The following MYOM2 variants were observed in gnomAD, a reference collection of about 807,000 sequenced individuals.
MYOM2 encodes the protein myomesin-2.
MYOM2 carries 254 observed loss-of-function variants against 187.6 expected under a neutral mutation model. The observed-to-expected ratio is 1.35, with a 90% CI of 1.22 to 1.50. MYOM2 has a LOEUF of 1.50. Among genes scored for constraint, MYOM2 ranks in the 40% most tolerant of loss-of-function variants. MYOM2 has a pLI of 0.00. For synonymous variants in MYOM2, 981 were observed against 753.8 expected (o/e 1.30, Z -4.94); for missense variants, 2,796 against 1,924.0 (o/e 1.45, Z -8.48).
At chr8:2,064,608 C>G (rs1818955242) in intron 6 of MYOM2, among the ~76,000 whole-genome samples, 1 of 152,330 alleles carries the variant, frequency 6.6e-6, no homozygotes, top group Non-Finnish European at 1.5e-5. Flanking sequence ...GCACCAAGTG[C>G]TAATTGGTGA....
At position 2,101,175 on chromosome 8, in the gene MYOM2, G is replaced by A. The variant is rs552254453; in HGVS notation, c.2619+121G>A. 2.7e-4 allele frequency: 264 copies of A among 964,698 alleles called. No individual in the cohort carries two copies. In the African/African-American group the frequency reaches 3.2e-3, roughly 12 times the overall value. 59.8% of individuals were successfully genotyped at this position (964,698 alleles called of 1,614,324 possible). ...AGCCTGGCCAACATGGAGAAGCCCCGTCTCTACTAAAAATACAAAAAAATT... is the reference window on the plus strand; with the variant it reads ...AGCCTGGCCAACATGGAGAAGCCCCATCTCTACTAAAAATACAAAAAAATT... On this transcript the variant is annotated intron_variant, in intron 20 of 36. Coordinates refer to ENST00000262113, the MANE Select transcript of MYOM2 (RefSeq NM_003970.4).
intron 28 of MYOM2, among the ~76,000 whole-genome samples, chr8:2,120,050 G>T (rs1797373892): frequency 6.6e-6 from 1 of 152,164 alleles, no homozygotes; most frequent in Non-Finnish European, 1.5e-5. Flanking sequence ...AAGGAGGCAA[G>T]ACAGCAGCTC....
chr8:2,056,945 G>C (rs977075675), intron 3 of MYOM2, among the ~76,000 whole-genome samples: 1 of 152,168 alleles, frequency 6.6e-6, no homozygotes, highest in African/African-American at 2.4e-5. Flanking sequence ...CAATGTCTCT[G>C]TTTTTAAGAG....
At chr8:2,133,948 C>A (rs1379726993) in intron 32 of MYOM2, among the ~76,000 whole-genome samples, 1 of 151,820 alleles carries the variant, frequency 6.6e-6, no homozygotes, top group African/African-American at 2.4e-5. Context: ...CCTCCACCCT[C>A]TTCCCCTGAG....
chr8:2,144,599 C>A, intron 36 of MYOM2, 65 bp from the exon 37 acceptor site: 1 of 1,533,586 alleles, frequency 6.5e-7, no homozygotes, highest in Non-Finnish European at 9.0e-7. Flanking sequence ...GCCCACCGTC[C>A]GAGGGGGTGA....
At chr8:2,143,072 C>G (rs1402637466) in intron 35 of MYOM2, among the ~76,000 whole-genome samples, 2 of 151,994 alleles carry the variant, frequency 1.3e-5, no homozygotes, top group Non-Finnish European at 2.9e-5. Flanking sequence ...CCGTCACTTT[C>G]TGCCCAACTC....
rs35140981 is a variant in MYOM2 at position 2,143,598 on chromosome 8, C to A, written c.4080+142C>A. The A allele has an allele frequency of 3.2e-4, 304 of 950,418 alleles. 2 individuals carry two copies. The highest frequency in any genetic ancestry group is 3.1e-3 in the African/African-American group (190 of 61,672). 58.9% of individuals were successfully genotyped at this position (950,418 alleles called of 1,614,324 possible). On this transcript the variant is annotated intron_variant, in intron 36 of 36. Transcript: ENST00000262113. The stretch of plus-strand genomic sequence containing the variant: ...CCTGCAGGGAACCCAGAGTCCCCCC[C>A]ACTTTTCTGCCCCTCCTAGACGGCT...
chr8:2,069,181 C>G (rs1215535949), intron 6 of MYOM2, 97 bp from the exon 7 acceptor site: 1 of 1,159,876 alleles, frequency 8.6e-7, no homozygotes, highest in African/African-American at 1.5e-5. Context: ...TAAACCACGC[C>G]ATGTGATTTG....
chr8:2,069,426 A>C (rs764136273), intron 7 of MYOM2, 21 bp from the exon 8 acceptor site: 1 of 1,613,910 alleles, frequency 6.2e-7, no homozygotes, highest in Non-Finnish European at 8.5e-7. Context: ...TTTCTGCTGC[A>C]CTCACTTTGC....
chr8:2,048,127 C>T (rs1287407950), intron 1 of MYOM2, among the ~76,000 whole-genome samples: 1 of 152,216 alleles, frequency 6.6e-6, no homozygotes, highest in Non-Finnish European at 1.5e-5. Context: ...TGAGGTTTAA[C>T]TCAACATAAG....
At chr8:2,124,037 T>C in intron 30 of MYOM2, 142 bp from the exon 31 acceptor site, 1 of 835,300 alleles carries the variant, frequency 1.2e-6, no homozygotes, top group Non-Finnish European at 1.9e-6. Flanking sequence ...CATAAGTCTT[T>C]TATGGATAAA....
At chr8:2,143,497 G>C (rs1393570183) in intron 36 of MYOM2, 41 bp downstream of exon 36, 1 of 1,611,652 alleles carries the variant, frequency 6.2e-7, no homozygotes, top group African/African-American at 1.3e-5. Context: ...GTGTCAGCAC[G>C]GTGCGATGGA....
At chr8:2,089,978 T>A in intron 14 of MYOM2, 30 bp from the exon 15 acceptor site, 3 of 1,610,300 alleles carry the variant, frequency 1.9e-6, no homozygotes, top group Non-Finnish European at 1.7e-6. Flanking sequence ...CGGTTTTCAC[T>A]GCCAGTCTCG....
At chr8:2,068,370 CGG>C (rs1819092018) in intron 6 of MYOM2, among the ~76,000 whole-genome samples, 1 of 145,412 alleles carries the variant, frequency 6.9e-6, no homozygotes, top group East Asian at 2.1e-4. Context: ...GTGCACCAGG[CGG>C]AGAGCATCCT....
chr8:2,085,501 G>GATCTCTTTGTGGCCCCCCACTGTCA lies in MYOM2; in HGVS notation c.1644+111_1644+112insATCTCTTTGTGGCCCCCCACTGTCA, dbSNP rs1819806746. ...GATCTCCGCGTGGCCCCTCACTGTT[G>GATCTCTTTGTGGCCCCCCACTGTCA]TGATCTCCGCGTGGCCCCCCACTGT... On this transcript the variant is annotated intron_variant, in intron 14 of 36. Transcript: ENST00000262113. The GATCTCTTTGTGGCCCCCCACTGTCA allele has an allele frequency of 1.8e-6, 2 of 1,119,890 alleles. 1 individual carries two copies. The highest frequency in any genetic ancestry group is 5.3e-5 in the Admixed American group (2 of 37,418). The allele number at this position is 1,119,890 out of a possible 1,614,324, so 69.4% of individuals were successfully genotyped here.
At chr8:2,085,093 T>C (rs1819763137) in intron 13 of MYOM2, 170 bp from the exon 14 acceptor site, 2 of 688,860 alleles carry the variant, frequency 2.9e-6, no homozygotes, top group East Asian at 2.8e-5. Context: ...TCTTTATTGG[T>C]GCCTTATCCT....
chr8:2,118,351 A>T (rs1797315700), intron 28 of MYOM2, among the ~76,000 whole-genome samples: 1 of 152,238 alleles, frequency 6.6e-6, no homozygotes, highest in South Asian at 2.1e-4. Flanking sequence ...TTAACAATGT[A>T]GTAATGAAAT....
At chr8:2,054,302 A>G (rs953433254) in intron 3 of MYOM2, among the ~76,000 whole-genome samples, 3 of 152,092 alleles carry the variant, frequency 2.0e-5, no homozygotes, top group African/African-American at 2.4e-5. Context: ...CTTCTGGAAG[A>G]TACGACCCCG....
intron 21 of MYOM2, among the ~76,000 whole-genome samples, chr8:2,103,325 G>A (rs748756176): frequency 3.3e-5 from 5 of 151,950 alleles, no homozygotes; most frequent in South Asian, 2.1e-4. Context: ...GTGGGAGAGT[G>A]TACATATATT....
Sources: gnomAD v4.1 joint callset for allele counts (sites outside exome capture counted in the v4.1 genomes callset) on GRCh38, gnomAD v4.1.1 for gene constraint, MANE v1.5 for transcripts, NCBI Gene and HGNC (gene_info 2026-07-23, HGNC 2026-07-21) for gene names.